CFAP20DC: variants seen among roughly 807,000 people sequenced by gnomAD.
CFAP20DC encodes CFAP20 domain containing, also known as protein CFAP20DC.
In CFAP20DC, 84 loss-of-function variants were observed where a neutral mutation model predicts 101.7. That is an observed-to-expected ratio of 0.83 (90% CI 0.69 to 0.99). The LOEUF is 0.99. Ranked by LOEUF, CFAP20DC falls within the 50% of genes least tolerant of loss-of-function variation. CFAP20DC has a pLI of 0.00. For synonymous variants in CFAP20DC, 359 were observed against 351.2 expected (o/e 1.02, Z -0.25); for missense variants, 1,007 against 970.3 (o/e 1.04, Z -0.50).
At chr3:59,028,685 T>A (rs561211073) in intron 4 of CFAP20DC, among the ~76,000 whole-genome samples, 25 of 152,286 alleles carry the variant, frequency 1.6e-4, no homozygotes, top group East Asian at 5.8e-4. Context: ...AAGTTCCTTA[T>A]CCTTTCTAGG....
chr3:59,021,566 C>T (rs998601676), intron 4 of CFAP20DC, among the ~76,000 whole-genome samples: 2 of 152,110 alleles, frequency 1.3e-5, no homozygotes, highest in South Asian at 2.1e-4. Flanking sequence ...CTTTAGAGCA[C>T]TTAGCTTAAA....
intron 4 of CFAP20DC, among the ~76,000 whole-genome samples, chr3:59,003,490 A>T (rs2108775640): frequency 6.6e-6 from 1 of 152,296 alleles, no homozygotes; most frequent in East Asian, 1.9e-4. Context: ...ACCTTTCTAA[A>T]CCCAAAGTCA....
chr3:59,049,464 A>G, intron 1 of CFAP20DC, 147 bp downstream of exon 1: 1 of 826,480 alleles, frequency 1.2e-6, no homozygotes, highest in Non-Finnish European at 2.0e-6. Flanking sequence ...TCTCTGGGTC[A>G]ACAGCATTCA....
At chr3:58,736,089 G>C (rs867710936) in intron 3 of CFAP20DC, among the ~76,000 whole-genome samples, 4 of 152,094 alleles carry the variant, frequency 2.6e-5, no homozygotes, top group South Asian at 2.1e-4. Flanking sequence ...TAAGTATACT[G>C]TCCAGACCTA....
Position 58,817,147 on chromosome 3 carries a change from C to T in CFAP20DC, c.2176-10691G>A, listed in dbSNP as rs764283464. On this transcript the variant is annotated intron_variant, in intron 14 of 16. Transcript: ENST00000482387. ...CACCGAAAACCCATCTGTACATCAC[C>T]ATCATCAAAGACCAAAAGTAGATAA... 7.9e-5 allele frequency among the ~76,000 whole-genome samples: 12 copies of T among 151,832 alleles called. No individual in the cohort carries two copies. In the South Asian group the frequency reaches 1.0e-3, roughly 13 times the overall value.
At chr3:58,820,600 C>A (rs913525222) in intron 14 of CFAP20DC, among the ~76,000 whole-genome samples, 3 of 152,008 alleles carry the variant, frequency 2.0e-5, no homozygotes, top group African/African-American at 7.3e-5. Context: ...TGTGAAGGAC[C>A]TCTTCAGGGA....
chr3:58,918,916 G>T (rs72881687), intron 5 of CFAP20DC, among the ~76,000 whole-genome samples: 15,161 of 152,088 alleles, frequency 0.1, 2,494 homozygotes, highest in African/African-American at 0.34. Context: ...AAGTACCTGG[G>T]ACATCATTTG....
chr3:59,008,047 G>A lies in CFAP20DC; in HGVS notation c.278+31510C>T, dbSNP rs140928553. 1.9e-4 allele frequency among the ~76,000 whole-genome samples: 29 copies of A among 152,282 alleles called. No homozygotes were observed. The East Asian group carries it at 5.6e-3, about 29-fold the overall frequency. On this transcript the variant is annotated intron_variant, in intron 4 of 16. Coordinates refer to ENST00000482387, the MANE Select transcript of CFAP20DC (RefSeq NM_001394063.1). ...CCCCCAGCACTCCATTGCAGACACA[G>A]CTGGGGCTTCCCCAACAGAAACACT...
At chr3:58,790,847 T>C (rs1360675068) in intron 15 of CFAP20DC, among the ~76,000 whole-genome samples, 1 of 152,046 alleles carries the variant, frequency 6.6e-6, no homozygotes, top group Non-Finnish European at 1.5e-5. Context: ...AATGGCAAAA[T>C]GGAGTTGGGA....
chr3:58,837,906 T>G (rs1397089304), intron 13 of CFAP20DC, among the ~76,000 whole-genome samples: 2 of 152,196 alleles, frequency 1.3e-5, no homozygotes, highest in African/African-American at 4.8e-5. Flanking sequence ...GTGTTTAATC[T>G]CCACAGTGAC....
chr3:58,812,667 G>A (rs1416586309), intron 14 of CFAP20DC, among the ~76,000 whole-genome samples: 7 of 151,468 alleles, frequency 4.6e-5, no homozygotes, highest in Non-Finnish European at 1.0e-4. Context: ...TAACTAACCT[G>A]CACATTGTGC....
At chr3:58,801,071 G>GAGAGAGAGAA (rs2073663682) in intron 15 of CFAP20DC, among the ~76,000 whole-genome samples, 1 of 151,906 alleles carries the variant, frequency 6.6e-6, no homozygotes, top group South Asian at 2.1e-4. Context: ...GAGAGAGAGA[G>GAGAGAGAGAA]AGAAAGTGAG....
At chr3:58,943,732 T>C (rs2088955691) in intron 4 of CFAP20DC, among the ~76,000 whole-genome samples, 1 of 152,118 alleles carries the variant, frequency 6.6e-6, no homozygotes, top group African/African-American at 2.4e-5. Flanking sequence ...GTTTGAGGAC[T>C]TGACAGAAGT....
At chr3:58,822,135 G>A (rs1453920541) in intron 14 of CFAP20DC, among the ~76,000 whole-genome samples, 1 of 116,978 alleles carries the variant, frequency 8.5e-6, no homozygotes, top group African/African-American at 3.4e-5. Flanking sequence ...TCATACTCTG[G>A]GGACTGTTGT....
intron 15 of CFAP20DC, among the ~76,000 whole-genome samples, chr3:58,800,982 A>C (rs2073646764): frequency 7.2e-6 from 1 of 138,400 alleles, no homozygotes; most frequent in Non-Finnish European, 1.5e-5. Context: ...ATACTGAAAA[A>C]ACTCCTGCCC....
intron 3 of CFAP20DC, among the ~76,000 whole-genome samples, chr3:58,723,227 T>C (rs2067497201): frequency 6.6e-6 from 1 of 152,248 alleles, no homozygotes; most frequent in South Asian, 2.1e-4. Flanking sequence ...TAAGATTTTT[T>C]CCCCTTGAAT....
At chr3:58,756,975 T>C (rs1185632106) in intron 15 of CFAP20DC, among the ~76,000 whole-genome samples, 1 of 152,126 alleles carries the variant, frequency 6.6e-6, no homozygotes, top group Non-Finnish European at 1.5e-5. Context: ...TGTTTGAGCA[T>C]GTTTTCAATG....
chr3:58,816,358 T>G (rs2075136593), intron 14 of CFAP20DC, among the ~76,000 whole-genome samples: 1 of 152,128 alleles, frequency 6.6e-6, no homozygotes, highest in South Asian at 2.1e-4. Context: ...ACGGGTGACT[T>G]CTGCATTTCC....
chr3:58,849,742 A>C (rs1285335924), intron 12 of CFAP20DC, among the ~76,000 whole-genome samples: 2 of 152,190 alleles, frequency 1.3e-5, no homozygotes, highest in African/African-American at 4.8e-5. Context: ...CAAGTCATCT[A>C]AAACATCTAA....
Sources: gnomAD v4.1 joint callset for allele counts (sites outside exome capture counted in the v4.1 genomes callset) on GRCh38, gnomAD v4.1.1 for gene constraint, MANE v1.5 for transcripts, NCBI Gene and HGNC (gene_info 2026-07-23, HGNC 2026-07-21) for gene names.